Variants in CLEC17A observed in about 807,000 individuals in gnomAD.
CLEC17A encodes the protein C-type lectin domain family 17, member A.
In CLEC17A, 37 loss-of-function variants were observed where a neutral mutation model predicts 61.3. That is an observed-to-expected ratio of 0.60 (90% CI 0.46 to 0.79). The LOEUF is 0.79. CLEC17A is among the 30% of genes least tolerant of loss of function. CLEC17A has a pLI of 0.00. For missense variants in CLEC17A, 418 were observed against 464.7 expected (o/e 0.90, Z 0.92); for synonymous variants, 168 against 164.9 (o/e 1.02, Z -0.14).
At chr19:14,588,380 G>T (rs1415053374) in intron 3 of CLEC17A, 1 of 151,914 alleles carries the variant, frequency 6.6e-6, no homozygotes, top group Non-Finnish European at 1.5e-5. Flanking sequence ...GCACATGTCT[G>T]TAGTCCCAGC....
chr19:14,600,884 C>T (rs534143949), intron 12 of CLEC17A, among the ~76,000 whole-genome samples: 65 of 128,044 alleles, frequency 5.1e-4, no homozygotes, highest in African/African-American at 1.8e-3. Context: ...CCACCACGCT[C>T]GGCCTTCTTT....
chr19:14,587,507 T>C, intron 2 of CLEC17A, 107 bp from the exon 3 acceptor site: 1 of 1,340,436 alleles, frequency 7.5e-7, no homozygotes, highest in Non-Finnish European at 1.0e-6. Flanking sequence ...GTGGTCAAGA[T>C]CCAGGGTACA....
intron 9 of CLEC17A, 41 bp downstream of exon 9, chr19:14,597,054 G>A: frequency 1.9e-6 from 3 of 1,611,620 alleles, no homozygotes; most frequent in Non-Finnish European, 2.5e-6. Context: ...AGATTGGGGA[G>A]GGTGCACAGG....
At chr19:14,582,957 C>CTGTG (rs1456854398), upstream of CLEC17A, 6 of 558,420 alleles carry the variant, frequency 1.1e-5, no homozygotes, top group African/African-American at 1.4e-4. Flanking sequence ...GAGAAAGGCT[C>CTGTG]TGTGTGTATG....
At position 14,592,300 on chromosome 19, in the gene CLEC17A, G is replaced by A. The variant is rs766379825; in HGVS notation, c.219G>A (p.Glu73=). 3 of 1,600,592 alleles carry A rather than the reference G, an allele frequency of 1.9e-6. No homozygotes were observed. The African/African-American group carries it at 4.0e-5, about 21-fold the overall frequency. ...PPKPGTMEEE[E]EDDDYENSTP... ...TGGAAGGGACCATGGAGGAGGAGGA[G>A]GAGGATGATGACTATGAGAACTCAA... Residue 73 remains glutamate, a synonymous_variant, in exon 4 of 14, where the codon GAG becomes GAA. Coordinates refer to ENST00000417570, the MANE Select transcript of CLEC17A (RefSeq NM_001204118.2).
chr19:14,596,785 G>T lies in CLEC17A; in HGVS notation c.446-91G>T, dbSNP rs189438686. On this transcript the variant is annotated intron_variant, in intron 8 of 13. Coordinates refer to ENST00000417570, the MANE Select transcript of CLEC17A (RefSeq NM_001204118.2). Reference sequence around the variant, plus strand: ...GAAACAGTCATGACTACAGACTTCTGCCCCCTGCTCTTGGACAAAGACTTA... The same window carrying T: ...GAAACAGTCATGACTACAGACTTCTTCCCCCTGCTCTTGGACAAAGACTTA... 2.1e-6 allele frequency: 3 copies of T among 1,436,188 alleles called. No homozygotes were observed. The Admixed American group carries it at 6.4e-5, about 31-fold the overall frequency. The allele number at this position is 1,436,188 out of a possible 1,614,324, so 89.0% of individuals were successfully genotyped here.
chr19:14,586,892 T>TC (rs1491552799), intron 2 of CLEC17A, among the ~76,000 whole-genome samples: 26 of 113,572 alleles, frequency 2.3e-4, no homozygotes, highest in South Asian at 2.4e-4. Context: ...TCTTTCTTTC[T>TC]TTTTTTTTTT....
chr19:14,584,928 TA>T (rs763522639), intron 2 of CLEC17A, among the ~76,000 whole-genome samples: 15 of 152,094 alleles, frequency 9.9e-5, no homozygotes, highest in Non-Finnish European at 1.9e-4. Context: ...ATCATGACCT[TA>T]CCCACATCCA....
chr19:14,596,102 C>T (rs2074546017), intron 8 of CLEC17A, among the ~76,000 whole-genome samples: 1 of 61,846 alleles, frequency 1.6e-5, no homozygotes, highest in African/African-American at 6.3e-5. Flanking sequence ...CAGGTATCTG[C>T]TTGCATAAGA....
intron 2 of CLEC17A, 140 bp downstream of exon 2, chr19:14,583,574 C>G (rs2074217540): frequency 6.6e-7 from 1 of 1,509,640 alleles, no homozygotes; most frequent in Non-Finnish European, 8.9e-7. Context: ...CACACCCTGC[C>G]CAGGACGACC....
At position 14,597,000 on chromosome 19, in the gene CLEC17A, G is replaced by A; in HGVS notation, c.570G>A (p.Val190=). The change falls in exon 9 of 14, where the codon GTG becomes GTA. Residue 190 remains valine, a synonymous_variant. Coordinates refer to ENST00000417570, the MANE Select transcript of CLEC17A (RefSeq NM_001204118.2). ...TCCTGGGCTGCCTTGGTCTCACTGTGACCCTGATTAAGTGTGAGTAGGGCC... is the reference window on the plus strand; with the variant it reads ...TCCTGGGCTGCCTTGGTCTCACTGTAACCCTGATTAAGTGTGAGTAGGGCC... ...SLFLGCLGLT[V]TLIKYQELME... 2 of 1,609,994 alleles carry A rather than the reference G, an allele frequency of 1.2e-6. No homozygotes were observed. Among genetic ancestry groups the A allele is most frequent in the Non-Finnish European group, 1.7e-6 (2 of 1,178,178 alleles).
chr19:14,595,704 ATGG>A (rs1438035381), intron 8 of CLEC17A, among the ~76,000 whole-genome samples: 3 of 142,438 alleles, frequency 2.1e-5, no homozygotes, highest in African/African-American at 7.6e-5. Flanking sequence ...GCTGATGGTG[ATGG>A]TGGAGATACT....
At chr19:14,589,767 C>A in intron 3 of CLEC17A, among the ~76,000 whole-genome samples, 1 of 151,770 alleles carries the variant, frequency 6.6e-6, no homozygotes, top group Non-Finnish European at 1.5e-5. Context: ...CAGAGCTGGT[C>A]CATGTGATAA....
chr19:14,592,485 A>AC, intron 4 of CLEC17A, 127 bp downstream of exon 4: 1 of 1,517,486 alleles, frequency 6.6e-7, no homozygotes. Flanking sequence ...GCACTGTGCA[A>AC]CACACACCCT....
rs147091044 is a variant in CLEC17A, at chr19:14,589,525, G to A, written c.199+1834G>A. Among the ~76,000 whole-genome samples the A allele has an allele frequency of 1.5e-3, 215 of 139,450 alleles. 1 individual carries two copies. Among genetic ancestry groups the A allele is most frequent in the African/African-American group, 6.2e-3 (206 of 33,486 alleles). The allele number at this position is 139,450 out of a possible 152,430, so 91.5% of individuals were successfully genotyped here. A position where few individuals can be genotyped will look rare whatever the true frequency, so the allele number is the denominator to read the frequency against. On this transcript the variant is annotated intron_variant, in intron 3 of 13. Coordinates refer to ENST00000417570, the MANE Select transcript of CLEC17A (RefSeq NM_001204118.2). ...AGCTCACTGCAGCCTTGAGCTCTTGGGTCCAAGCAATCCTCCTACTACACC... is the reference window on the plus strand; with the variant it reads ...AGCTCACTGCAGCCTTGAGCTCTTGAGTCCAAGCAATCCTCCTACTACACC...
At chr19:14,607,874 C>T (rs1284686488) in intron 13 of CLEC17A, among the ~76,000 whole-genome samples, 1 of 151,402 alleles carries the variant, frequency 6.6e-6, no homozygotes. Flanking sequence ...CTGCGCCCAA[C>T]CTTATTTTAG....
chr19:14,600,567 G>T (rs1221300522), intron 12 of CLEC17A, among the ~76,000 whole-genome samples: 1 of 151,780 alleles, frequency 6.6e-6, no homozygotes, highest in Admixed American at 6.6e-5. Context: ...CCAGTCGGAA[G>T]AGTTTATTTC....
intron 8 of CLEC17A, among the ~76,000 whole-genome samples, chr19:14,596,139 G>A: frequency 6.6e-6 from 1 of 151,490 alleles, no homozygotes; most frequent in Admixed American, 6.6e-5. Flanking sequence ...TGCTCTAGAA[G>A]CCGGGGTCCA....
intron 2 of CLEC17A, among the ~76,000 whole-genome samples, chr19:14,583,779 C>T (rs539534153): frequency 6.6e-6 from 1 of 152,096 alleles, no homozygotes; most frequent in Non-Finnish European, 1.5e-5. Context: ...GGTGCAAAGT[C>T]TCTGAGTTAC....
Sources: gnomAD v4.1 joint callset for allele counts (sites outside exome capture counted in the v4.1 genomes callset) on GRCh38, gnomAD v4.1.1 for gene constraint, MANE v1.5 for transcripts, NCBI Gene and HGNC (gene_info 2026-07-23, HGNC 2026-07-21) for gene names.